PRKCB: variants seen among roughly 807,000 people sequenced by gnomAD.
The protein encoded by PRKCB is protein kinase C beta type.
Under a neutral mutation model 81.5 loss-of-function variants are expected in PRKCB, and 13 were observed. That is an observed-to-expected ratio of 0.16 (90% CI 0.10 to 0.25). PRKCB has a LOEUF of 0.25. Among genes scored for constraint, PRKCB ranks in the 10% least tolerant of loss-of-function variants. The pLI is 1.00. For synonymous variants in PRKCB, 335 were observed against 321.4 expected (o/e 1.04, Z -0.45); for missense variants, 509 against 875.7 (o/e 0.58, Z 5.29).
intron 10 of PRKCB, among the ~76,000 whole-genome samples, chr16:24,163,894 A>G (rs1596576963): frequency 6.6e-6 from 1 of 152,208 alleles, no homozygotes; most frequent in South Asian, 2.1e-4. Flanking sequence ...TGTGACTAGA[A>G]CCCAGGACTA....
rs562297800 is a variant in PRKCB at position 23,892,806 on chromosome 16, T to C, written c.205+55400T>C. ...TGGTTCAGGAAGGGAAAGTGAACTC[T>C]GAAGTTTGACATAAAGTTAGCTTCA... is the stretch of plus-strand genomic sequence containing the variant. On this transcript the variant is annotated intron_variant, in intron 2 of 16. Transcript: ENST00000643927. Among the ~76,000 whole-genome samples, 5 of 152,322 alleles carry C rather than the reference T, an allele frequency of 3.3e-5. No homozygotes were observed. In the South Asian group the frequency reaches 1.0e-3, roughly 32 times the overall value.
At chr16:23,966,600 G>A (rs978170210) in intron 2 of PRKCB, among the ~76,000 whole-genome samples, 1 of 152,150 alleles carries the variant, frequency 6.6e-6, no homozygotes, top group Non-Finnish European at 1.5e-5. Flanking sequence ...GAGGAGCAAG[G>A]ATTGTGTCTC....
intron 10 of PRKCB, among the ~76,000 whole-genome samples, chr16:24,171,604 C>T (rs1336724419): frequency 2.0e-5 from 3 of 152,118 alleles, no homozygotes; most frequent in Non-Finnish European, 2.9e-5. Flanking sequence ...TCACCTGTAA[C>T]ATTATTTACT....
At chr16:24,021,822 A>G (rs1255484834) in intron 3 of PRKCB, among the ~76,000 whole-genome samples, 1 of 152,186 alleles carries the variant, frequency 6.6e-6, no homozygotes, top group Non-Finnish European at 1.5e-5. Context: ...TGTCAGGAGA[A>G]TCTGGGGACA....
At chr16:23,983,225 C>T (rs1420782137) in intron 2 of PRKCB, among the ~76,000 whole-genome samples, 1 of 152,056 alleles carries the variant, frequency 6.6e-6, no homozygotes, top group East Asian at 1.9e-4. Flanking sequence ...AAATAGGCAG[C>T]CCTACTATTT....
intron 13 of PRKCB, among the ~76,000 whole-genome samples, chr16:24,181,587 C>T (rs999331680): frequency 1.5e-4 from 23 of 151,716 alleles, no homozygotes; most frequent in Admixed American, 1.1e-3. Flanking sequence ...GCCAACATGG[C>T]GAGACCTCGT....
chr16:24,096,989 A>G (rs1966453169), intron 7 of PRKCB, among the ~76,000 whole-genome samples: 1 of 145,398 alleles, frequency 6.9e-6, no homozygotes, highest in African/African-American at 2.6e-5. Context: ...TCCATTGTTC[A>G]CCTTATGACT....
intron 3 of PRKCB, among the ~76,000 whole-genome samples, chr16:24,027,492 C>T (rs1055445154): frequency 7.9e-5 from 12 of 152,060 alleles, no homozygotes; most frequent in Non-Finnish European, 1.2e-4. Flanking sequence ...GTTACTAGGA[C>T]GGCACCTCAA....
intron 2 of PRKCB, among the ~76,000 whole-genome samples, chr16:23,880,748 A>T (rs1020316365): frequency 6.6e-6 from 1 of 152,054 alleles, no homozygotes; most frequent in Non-Finnish European, 1.5e-5. Context: ...CATCTTCATT[A>T]TAGAACATTA....
chr16:24,003,058 C>T (rs1965061267), intron 3 of PRKCB, among the ~76,000 whole-genome samples: 1 of 152,122 alleles, frequency 6.6e-6, no homozygotes, highest in South Asian at 2.1e-4. Flanking sequence ...TGCTCCTCTA[C>T]AGATCATCTT....
chr16:24,176,289 A>G (rs1967529866), intron 12 of PRKCB, among the ~76,000 whole-genome samples: 1 of 152,088 alleles, frequency 6.6e-6, no homozygotes, highest in Non-Finnish European at 1.5e-5. Context: ...GTAAAAATAG[A>G]GAGAAGAAGA....
chr16:24,048,673 G>T (rs1965797273), intron 5 of PRKCB, among the ~76,000 whole-genome samples: 1 of 151,876 alleles, frequency 6.6e-6, no homozygotes, highest in African/African-American at 2.4e-5. Context: ...TGTATTTTTA[G>T]TAGAGACAGG....
At chr16:24,140,284 C>A (rs114394957) in intron 9 of PRKCB, among the ~76,000 whole-genome samples, 1 of 152,138 alleles carries the variant, frequency 6.6e-6, no homozygotes, top group African/African-American at 2.4e-5. Flanking sequence ...CATTTCTGGT[C>A]AAAGTTGGAA....
chr16:24,130,221 C>T (rs140445268), intron 9 of PRKCB, among the ~76,000 whole-genome samples: 71 of 152,192 alleles, frequency 4.7e-4, no homozygotes, highest in Middle Eastern at 6.8e-3. Context: ...TTTTGAAAAA[C>T]GCATAGTTTT....
chr16:24,016,768 C>A (rs148989101), intron 3 of PRKCB, among the ~76,000 whole-genome samples: 6 of 152,176 alleles, frequency 3.9e-5, no homozygotes, highest in Non-Finnish European at 8.8e-5. Flanking sequence ...TTTCTCCTGG[C>A]AGCCGTGGTT....
At chr16:24,105,093 A>G (rs1379484918) in intron 7 of PRKCB, among the ~76,000 whole-genome samples, 3 of 148,920 alleles carry the variant, frequency 2.0e-5, no homozygotes, top group Non-Finnish European at 4.4e-5. Flanking sequence ...GTCTCACTCT[A>G]TCGCCCAGGC....
intron 2 of PRKCB, among the ~76,000 whole-genome samples, chr16:23,863,215 C>CAGACATATATATGTGTATATAT (rs1962709946): frequency 1.7e-5 from 1 of 58,070 alleles, no homozygotes; most frequent in Non-Finnish European, 4.2e-5. Flanking sequence ...TGTATATATA[C>CAGACATATATATGTGTATATAT]ATACATATAT....
chr16:23,869,369 G>A (rs142081017), intron 2 of PRKCB: 3 of 261,786 alleles, frequency 1.1e-5, no homozygotes, highest in South Asian at 7.4e-5. Flanking sequence ...GCTAAACTTC[G>A]AATATTGTAA....
intron 3 of PRKCB, among the ~76,000 whole-genome samples, chr16:24,005,819 A>G (rs62029621): frequency 6.7e-4 from 102 of 152,190 alleles, no homozygotes; most frequent in Non-Finnish European, 1.2e-3. Context: ...GGCTCAGTAA[A>G]GCAACGTAAC....
Sources: gnomAD v4.1 joint callset for allele counts (sites outside exome capture counted in the v4.1 genomes callset) on GRCh38, gnomAD v4.1.1 for gene constraint, MANE v1.5 for transcripts, NCBI Gene and HGNC (gene_info 2026-07-23, HGNC 2026-07-21) for gene names.